ZNF268: variants seen among roughly 807,000 people sequenced by gnomAD.
ZNF268 encodes zinc finger protein 3.
ZNF268 carries 20 observed loss-of-function variants against 29.3 expected under a neutral mutation model. That is an observed-to-expected ratio of 0.68 (90% CI 0.48 to 0.99). ZNF268 has a LOEUF of 0.99. Ranked by LOEUF, ZNF268 falls within the 50% of genes least tolerant of loss-of-function variation. The pLI, the probability that ZNF268 is intolerant of heterozygous loss-of-function variation, is 0.00. For synonymous variants in ZNF268, 429 were observed against 376.9 expected (o/e 1.14, Z -1.60); for missense variants, 1,240 against 1,121.6 (o/e 1.11, Z -1.51).
At chr12:133,181,878 C>G (rs1956185052) in intron 1 of ZNF268, 68 bp from the exon 2 acceptor site, 1 of 1,107,640 alleles carries the variant, frequency 9.0e-7, no homozygotes. Context: ...CCTGGTGCCT[C>G]GGACCCTCCC....
chr12:133,182,054 C>G (rs1313135437), intron 2 of ZNF268, 24 bp downstream of exon 2: 49 of 1,554,260 alleles, frequency 3.2e-5, no homozygotes, highest in Non-Finnish European at 4.1e-5. Flanking sequence ...TTCTTTCATT[C>G]TTGAAAAGCT....
At position 133,212,020 on chromosome 12, in the gene ZNF268, T is replaced by G. The variant is rs1198502937; in HGVS notation, c.*7490T>G. 21 of 152,214 alleles carry G rather than the reference T, an allele frequency of 1.4e-4. No individual in the cohort carries two copies. The highest frequency in any genetic ancestry group is 1.4e-3 in the Admixed American group (21 of 15,276). 9.4% of individuals were successfully genotyped at this position (152,214 alleles called of 1,614,324 possible). ...GACTAACTAGGCTGGGGTACATCCATGCAATGGAGTCCTGTTCAGCAAGAG... is the reference window on the plus strand; with the variant it reads ...GACTAACTAGGCTGGGGTACATCCAGGCAATGGAGTCCTGTTCAGCAAGAG... On this transcript the variant is annotated 3_prime_UTR_variant, in exon 6 of 6. Coordinates refer to ENST00000536435, the MANE Select transcript of ZNF268 (RefSeq NM_003415.3).
rs1023281254 is a variant in ZNF268 at position 133,208,367 on chromosome 12, G to C, written c.*3837G>C. ...AAAAGTCAGCCAGGTGTGGTGGCACGTGCCTGTAATCCCATCTACTCGGGA... is the reference window on the plus strand; with the variant it reads ...AAAAGTCAGCCAGGTGTGGTGGCACCTGCCTGTAATCCCATCTACTCGGGA... On this transcript the variant is annotated 3_prime_UTR_variant, in exon 6 of 6. Coordinates refer to ENST00000536435, the MANE Select transcript of ZNF268 (RefSeq NM_003415.3). The C allele has an allele frequency of 6.6e-6, 1 of 152,194 alleles. No homozygotes were observed. Among genetic ancestry groups the C allele is most frequent in the Non-Finnish European group, 1.5e-5 (1 of 68,100 alleles). 9.4% of individuals were successfully genotyped at this position (152,194 alleles called of 1,614,324 possible).
intron 5 of ZNF268, among the ~76,000 whole-genome samples, chr12:133,201,892 A>G (rs1956759495): frequency 6.6e-6 from 1 of 152,012 alleles, no homozygotes; most frequent in Admixed American, 6.6e-5. Flanking sequence ...TACTATGCCT[A>G]TCTTCAGTTT....
In ZNF268 at chr12:133,204,183, G is replaced by C; in HGVS notation, c.2497G>C (p.Val833Leu). The change falls in exon 6 of 6, where the codon GTC becomes CTC. Residue 833 changes from valine (V) to leucine (L), a missense_variant. By Grantham distance (32) the Val-to-Leu change is conservative. Around this residue, in one of 3 missense-constraint regions of ZNF268, gnomAD observed 1,177 missense variants for 1,039.6 expected, o/e 1.13. Coordinates refer to ENST00000536435, the MANE Select transcript of ZNF268 (RefSeq NM_003415.3). ...TGTACATGAGCGAACTCATGCAGGG[G>C]TCAACCCTTATAAATGCAGTCAATG... ...LIVHERTHAG[V>L]NPYKCSQCEK... 1 of 1,541,004 alleles carries C rather than the reference G, an allele frequency of 6.5e-7. No homozygotes were observed. Among genetic ancestry groups the C allele is most frequent in the Admixed American group, 2.0e-5 (1 of 50,992 alleles).
At chr12:133,182,926 A>G in intron 2 of ZNF268, among the ~76,000 whole-genome samples, 1 of 152,176 alleles carries the variant, frequency 6.6e-6, no homozygotes, top group East Asian at 1.9e-4. Context: ...CACGCTTCAG[A>G]CTGGTACCAG....
In ZNF268 at chr12:133,202,989, C is replaced by A; in HGVS notation, c.1303C>A (p.Gln435Lys). 2 of 1,548,856 alleles carry A rather than the reference C, an allele frequency of 1.3e-6. No individual in the cohort carries two copies. The highest frequency in any genetic ancestry group is 1.7e-6 in the Non-Finnish European group (2 of 1,152,556). ...FNTKSNLMVH[Q>K]RTHTGEKPYV... Reference sequence around the variant, plus strand: ...TACAAAGTCAAACCTTATGGTACATCAGAGAACCCATACAGGGGAGAAACC... The same window carrying A: ...TACAAAGTCAAACCTTATGGTACATAAGAGAACCCATACAGGGGAGAAACC... Residue 435 changes from glutamine to lysine, a missense_variant, in exon 6 of 6, where the codon CAG becomes AAG. Physicochemically the swap from Gln to Lys is moderately conservative, Grantham distance 53 (BLOSUM62 1). Coordinates refer to ENST00000536435, the MANE Select transcript of ZNF268 (RefSeq NM_003415.3).
Position 133,205,726 on chromosome 12 carries a change from G to A in ZNF268, c.*1196G>A, listed in dbSNP as rs1956887375. ...AATATAAGGCACACTTCATGTGTTTGTGTAGCCTGGAATCTATTCTACCTT... is the reference window on the plus strand; with the variant it reads ...AATATAAGGCACACTTCATGTGTTTATGTAGCCTGGAATCTATTCTACCTT... On this transcript the variant is annotated 3_prime_UTR_variant, in exon 6 of 6. Transcript: ENST00000536435. The A allele has an allele frequency of 6.6e-6, 1 of 152,166 alleles. No individual in the cohort carries two copies. Among genetic ancestry groups the A allele is most frequent in the East Asian group, 1.9e-4 (1 of 5,202 alleles). 9.4% of individuals were successfully genotyped at this position (152,166 alleles called of 1,614,324 possible).
rs1457372457 is a variant in ZNF268, at chr12:133,206,498, AAGTT to A, written c.*1973_*1976del. On this transcript the variant is annotated 3_prime_UTR_variant, in exon 6 of 6. Transcript: ENST00000536435. Reference sequence around the variant, plus strand: ...AAACTCTGCCAGTTGCTTACTCACAAAGTTAGTTTTCTTCACTACCTCATCAGGT... The same window carrying A: ...AAACTCTGCCAGTTGCTTACTCACAAAGTTTTCTTCACTACCTCATCAGGT... 8 of 152,158 alleles carry A rather than the reference AAGTT, an allele frequency of 5.3e-5. No individual in the cohort carries two copies. Among genetic ancestry groups the A allele is most frequent in the Admixed American group, 1.3e-4 (2 of 15,266 alleles). The allele number at this position is 152,158 out of a possible 1,614,324, so 9.4% of individuals were successfully genotyped here. A position where few individuals can be genotyped will look rare whatever the true frequency, so the allele number is the denominator to read the frequency against.
rs745564766 is a variant in ZNF268, at chr12:133,210,551, C to T, written c.*6021C>T. On this transcript the variant is annotated 3_prime_UTR_variant, in exon 6 of 6. Transcript: ENST00000536435. ...GCCCCACAGTGGTCCTCAGGTTGGC[C>T]AGTGGAGAAGGAAGCTCTGGTTCTC... is the stretch of plus-strand genomic sequence containing the variant. 42 of 287,628 alleles carry T rather than the reference C, an allele frequency of 1.5e-4. No individual in the cohort carries two copies. Among genetic ancestry groups the T allele is most frequent in the Middle Eastern group, 2.7e-3 (2 of 744 alleles). The allele number at this position is 287,628 out of a possible 1,614,324, so 17.8% of individuals were successfully genotyped here. A position where few individuals can be genotyped will look rare whatever the true frequency, so the allele number is the denominator to read the frequency against.
chr12:133,190,400 C>T (rs1453942586), intron 3 of ZNF268, among the ~76,000 whole-genome samples: 1 of 152,194 alleles, frequency 6.6e-6, no homozygotes, highest in Non-Finnish European at 1.5e-5. Context: ...GACTCTACCA[C>T]TTTTCATTCC....
In ZNF268 at chr12:133,204,016, A is replaced by G; in HGVS notation, c.2330A>G (p.Glu777Gly). The change falls in exon 6 of 6, where the codon GAA becomes GGA. Residue 777 changes from glutamate to glycine, a missense_variant. Around this residue, in one of 3 missense-constraint regions of ZNF268, gnomAD observed 1,177 missense variants for 1,039.6 expected, o/e 1.13. Coordinates refer to ENST00000536435, the MANE Select transcript of ZNF268 (RefSeq NM_003415.3). ...LISHQRTHAG[E>G]KPYGCSECGK... ...TCACATCAGCGAACTCATGCAGGGG[A>G]AAAGCCTTATGGGTGCAGTGAATGT... 1.9e-6 allele frequency: 3 copies of G among 1,576,168 alleles called. No homozygotes were observed. The highest frequency in any genetic ancestry group is 2.7e-5 in the African/African-American group (2 of 73,910).
rs181861461 is a variant in ZNF268 at position 133,188,945 on chromosome 12, T to C, written c.234+873T>C. Among the ~76,000 whole-genome samples, 12 of 152,288 alleles carry C rather than the reference T, an allele frequency of 7.9e-5. No homozygotes were observed. In the East Asian group the frequency reaches 1.9e-3, roughly 24 times the overall value. On this transcript the variant is annotated intron_variant, in intron 3 of 5. Coordinates refer to ENST00000536435, the MANE Select transcript of ZNF268 (RefSeq NM_003415.3). ...TTTTTTATTTTATTGCTAATGATTT[T>C]TGTGTCCTATTGTTTTCTTATCCTA...
rs766534924 is a variant in ZNF268, at chr12:133,202,298, C to A, written c.612C>A (p.Gly204=). The A allele has an allele frequency of 1.9e-6, 3 of 1,612,550 alleles. No individual in the cohort carries two copies. In the South Asian group the frequency reaches 3.3e-5, roughly 18 times the overall value. ...YLSRQKPHKC[G]THGKSLKYID... ...CAAGACAAAAACCTCATAAATGTGG[C>A]ACGCATGGAAAGAGTTTGAAATATA... The change falls in exon 6 of 6, where the codon GGC becomes GGA. Residue 204 remains glycine, a synonymous_variant. Transcript: ENST00000536435.
At chr12:133,188,167 A>G in intron 3 of ZNF268, 95 bp downstream of exon 3, 1 of 1,139,926 alleles carries the variant, frequency 8.8e-7, no homozygotes. Context: ...CAGAGGGTTA[A>G]GTTAATCACT....
At position 133,213,033 on chromosome 12, in the gene ZNF268, A is replaced by G. The variant is rs911701766; in HGVS notation, c.*8503A>G. On this transcript the variant is annotated 3_prime_UTR_variant, in exon 6 of 6. Transcript: ENST00000536435. ...TATGGCTATTTTTTGTATTTTTAGTAGAGACAGGGTTTCACCATGTTGGCC... is the reference window on the plus strand; with the variant it reads ...TATGGCTATTTTTTGTATTTTTAGTGGAGACAGGGTTTCACCATGTTGGCC... 1 of 152,130 alleles carries G rather than the reference A, an allele frequency of 6.6e-6. No individual in the cohort carries two copies. Among genetic ancestry groups the G allele is most frequent in the Non-Finnish European group, 1.5e-5 (1 of 68,046 alleles). 9.4% of individuals were successfully genotyped at this position (152,130 alleles called of 1,614,324 possible).
chr12:133,204,566 A>C lies in ZNF268; in HGVS notation c.*36A>C. ...AAACTCTGAAAAGTGGATTCACAAG[A>C]GATAGAAACAATCATATATAAAGAG... is the stretch of plus-strand genomic sequence containing the variant. On this transcript the variant is annotated 3_prime_UTR_variant, in exon 6 of 6. Coordinates refer to ENST00000536435, the MANE Select transcript of ZNF268 (RefSeq NM_003415.3). 1 of 1,398,762 alleles carries C rather than the reference A, an allele frequency of 7.1e-7. No individual in the cohort carries two copies. The highest frequency in any genetic ancestry group is 9.5e-7 in the Non-Finnish European group (1 of 1,057,930). 86.6% of individuals were successfully genotyped at this position (1,398,762 alleles called of 1,614,324 possible).
In ZNF268 at chr12:133,203,672, C is replaced by A. The variant is rs1392998757; in HGVS notation, c.1986C>A (p.His662Gln). The A allele has an allele frequency of 5.2e-6, 8 of 1,550,208 alleles. No individual in the cohort carries two copies. The South Asian group carries it at 9.4e-5, about 18-fold the overall frequency. The change falls in exon 6 of 6, where the codon CAC becomes CAA. Residue 662 changes from histidine to glutamine, a missense_variant. Around this residue, in one of 3 missense-constraint regions of ZNF268, gnomAD observed 1,177 missense variants for 1,039.6 expected, o/e 1.13. Transcript: ENST00000536435. The stretch of plus-strand genomic sequence containing the variant: ...AGCTCATTGTACATAAAGGAGTGCA[C>A]ACTGGAGTAAAACCCTATGGATGCA... ...KSQLIVHKGV[H>Q]TGVKPYGCSQ...
rs1956964877 is a variant in ZNF268 at position 133,210,701 on chromosome 12, CT to C, written c.*6172del. ...TCTGTTTGTCACTGTGGATTCCCCC[CT>C]GCCAAGGGTCCCCAGGTCAGTCCTG... is the stretch of plus-strand genomic sequence containing the variant. On this transcript the variant is annotated 3_prime_UTR_variant, in exon 6 of 6. Coordinates refer to ENST00000536435, the MANE Select transcript of ZNF268 (RefSeq NM_003415.3). 2.6e-6 allele frequency: 1 copy of C among 384,476 alleles called. No individual in the cohort carries two copies. Among genetic ancestry groups the C allele is most frequent in the South Asian group, 1.8e-5 (1 of 54,416 alleles). The allele number at this position is 384,476 out of a possible 1,614,324, so 23.8% of individuals were successfully genotyped here.
Sources: allele counts gnomAD v4.1 joint callset (sites outside exome capture counted in the v4.1 genomes callset), GRCh38; gene constraint gnomAD v4.1.1; regional missense constraint gnomAD v4.1.1; transcripts MANE v1.5; gene names NCBI Gene and HGNC (gene_info 2026-07-23, HGNC 2026-07-21).